COA1: variants seen among roughly 807,000 people sequenced by gnomAD.
COA1 encodes the protein cytochrome c oxidase assembly factor 1 homolog.
Under a neutral mutation model 16.0 loss-of-function variants are expected in COA1, and 13 were observed. That is an observed-to-expected ratio of 0.81 (90% CI 0.53 to 1.29). COA1 has a LOEUF of 1.29. Ranked by LOEUF, COA1 falls within the 50% of genes most tolerant of loss-of-function variation. The probability of loss-of-function intolerance (pLI) is 0.00; values close to 1 mark genes in which losing one functional copy is unlikely to be tolerated. For synonymous variants in COA1, 65 were observed against 65.7 expected, an observed-to-expected ratio of 0.99 and a Z score of 0.05; for missense variants, 179 against 177.0, an observed-to-expected ratio of 1.01 and a Z score of -0.06.
chr7:43,694,038 CA>C (rs1333768757), intron 1 of COA1, among the ~76,000 whole-genome samples: 1 of 151,184 alleles, frequency 6.6e-6, no homozygotes, highest in African/African-American at 2.4e-5. Context: ...ACCACAGCAA[CA>C]AGGATCTACC....
chr7:43,626,883 G>A (rs369871051), intron 6 of COA1: 33 of 152,154 alleles, frequency 2.2e-4, no homozygotes, highest in African/African-American at 8.0e-4. Context: ...CTGAGTCATA[G>A]GGTGCTTTTT....
At chr7:43,680,183 G>A (rs1215106012) in intron 1 of COA1, among the ~76,000 whole-genome samples, 2 of 150,676 alleles carry the variant, frequency 1.3e-5, no homozygotes, top group South Asian at 2.1e-4. Flanking sequence ...TTATACTATG[G>A]AAATCAACAA....
chr7:43,622,405 A>G (rs2083995322), intron 6 of COA1: 1 of 152,102 alleles, frequency 6.6e-6, no homozygotes, highest in Non-Finnish European at 1.5e-5. Context: ...GACCTTGAGT[A>G]TTTCGTTTTT....
intron 1 of COA1, among the ~76,000 whole-genome samples, chr7:43,669,673 C>T (rs535706468): frequency 6.6e-6 from 1 of 152,172 alleles, no homozygotes; most frequent in East Asian, 1.9e-4. Context: ...TTGTTCGAAT[C>T]GCCCCCTCCC....
At chr7:43,642,176 A>T (rs974344146) in intron 4 of COA1, 3 of 152,336 alleles carry the variant, frequency 2.0e-5, no homozygotes, top group Non-Finnish European at 4.4e-5. Context: ...TTGGCCGGGT[A>T]TGGTGGCTTC....
intron 1 of COA1, among the ~76,000 whole-genome samples, chr7:43,693,455 C>T (rs915386732): frequency 6.6e-6 from 1 of 152,116 alleles, no homozygotes; most frequent in African/African-American, 2.4e-5. Flanking sequence ...TTGACCTCGG[C>T]GGTTCATTCC....
At chr7:43,609,089 C>G (rs1449807687) in exon 7 of COA1, 1 of 152,302 alleles carries the variant, frequency 6.6e-6, no homozygotes, top group East Asian at 1.9e-4. Flanking sequence ...TAGTGGCAAA[C>G]AAGTCCAGGG....
chr7:43,677,593 G>A (rs1028904725), intron 1 of COA1, among the ~76,000 whole-genome samples: 2 of 152,086 alleles, frequency 1.3e-5, no homozygotes, highest in Non-Finnish European at 2.9e-5. Context: ...GAAGTCAGGA[G>A]TTCGAAATCA....
chr7:43,646,361 T>C (rs976673173), intron 3 of COA1: 1 of 349,090 alleles, frequency 2.9e-6, no homozygotes, highest in African/African-American at 2.1e-5. Context: ...ATTCCACACA[T>C]CTCACAATGT....
At chr7:43,691,338 AGAGAGGGAGGGAGG>A (rs1406783023) in intron 1 of COA1, among the ~76,000 whole-genome samples, 4 of 36,478 alleles carry the variant, frequency 1.1e-4, no homozygotes, top group African/African-American at 6.4e-4. Context: ...AGAGAAAGAG[AGAGAGGGAGGGAGG>A]GAGGGAGGGA....
At chr7:43,688,439 CCT>C (rs1039635556) in intron 1 of COA1, among the ~76,000 whole-genome samples, 12 of 152,076 alleles carry the variant, frequency 7.9e-5, no homozygotes, top group South Asian at 2.1e-4. Flanking sequence ...CTCAGAAGCC[CCT>C]GTTTGTTTCT....
At chr7:43,723,233 C>T (rs2095546341) in intron 1 of COA1, among the ~76,000 whole-genome samples, 1 of 152,168 alleles carries the variant, frequency 6.6e-6, no homozygotes, top group East Asian at 1.9e-4. Flanking sequence ...TTTGGTTGAG[C>T]CACACTGTTG....
At chr7:43,688,728 C>T (rs1243604224) in intron 1 of COA1, among the ~76,000 whole-genome samples, 2 of 152,166 alleles carry the variant, frequency 1.3e-5, no homozygotes, top group African/African-American at 4.8e-5. Flanking sequence ...TCTCAAAATG[C>T]ACCTTCCACT....
At chr7:43,724,020 A>C (rs541315704) in intron 1 of COA1, among the ~76,000 whole-genome samples, 2 of 152,232 alleles carry the variant, frequency 1.3e-5, no homozygotes, top group Non-Finnish European at 2.9e-5. Context: ...GAATTGCAAT[A>C]ATTTTAAAAC....
intron 1 of COA1, among the ~76,000 whole-genome samples, chr7:43,673,536 C>T (rs2153206012): frequency 6.6e-6 from 1 of 152,344 alleles, no homozygotes; most frequent in Admixed American, 6.5e-5. Context: ...CACTTACATA[C>T]TGCTAGTAGG....
chr7:43,703,331 T>C (rs1445659146), intron 1 of COA1, among the ~76,000 whole-genome samples: 3 of 152,204 alleles, frequency 2.0e-5, no homozygotes, highest in Admixed American at 2.0e-4. Context: ...TGAAGTATTC[T>C]GTAGATGTCT....
At chr7:43,615,470 C>A (rs1475965687) in intron 6 of COA1, among the ~76,000 whole-genome samples, 5 of 151,320 alleles carry the variant, frequency 3.3e-5, no homozygotes, top group Non-Finnish European at 7.4e-5. Context: ...AGCCACTGCG[C>A]CCAGCCCTTT....
chr7:43,686,451 C>A (rs1368942124), intron 1 of COA1, among the ~76,000 whole-genome samples: 1 of 151,704 alleles, frequency 6.6e-6, no homozygotes, highest in South Asian at 2.1e-4. Context: ...GGACTACAGG[C>A]GCCCGCCACT....
intron 1 of COA1, chr7:43,656,232 G>C (rs748372661): frequency 1.2e-4 from 19 of 152,216 alleles, no homozygotes; most frequent in Non-Finnish European, 2.4e-4. Context: ...TGCAGCCATT[G>C]AAAATGGAAA....
Sources: allele counts gnomAD v4.1 joint callset (sites outside exome capture counted in the v4.1 genomes callset), GRCh38; gene constraint gnomAD v4.1.1; transcripts MANE v1.5; gene names NCBI Gene and HGNC (gene_info 2026-07-23, HGNC 2026-07-21).